NHEJ1: variants seen among roughly 807,000 people sequenced by gnomAD.
NHEJ1 encodes the protein non-homologous end joining factor 1, also known as non-homologous end-joining factor 1.
Under a neutral mutation model 39.4 loss-of-function variants are expected in NHEJ1, and 22 were observed. The ratio of observed to expected loss-of-function variants is 0.56; its 90% CI spans 0.40 to 0.80. NHEJ1 has a LOEUF of 0.80. Ranked by LOEUF, NHEJ1 falls within the 30% of genes least tolerant of loss-of-function variation. The pLI, the probability that NHEJ1 is intolerant of heterozygous loss-of-function variation, is 0.00. For synonymous variants in NHEJ1, 154 were observed against 135.6 expected (o/e 1.14, Z -0.94); for missense variants, 329 against 357.1 (o/e 0.92, Z 0.63).
intron 5 of NHEJ1, among the ~76,000 whole-genome samples, chr2:219,144,544 G>C (rs6744858): frequency 6.6e-6 from 1 of 152,082 alleles, no homozygotes; most frequent in Admixed American, 6.6e-5. Context: ...ATAGAAGTTT[G>C]CAAGTTAGAT....
intron 3 of NHEJ1, among the ~76,000 whole-genome samples, chr2:219,155,791 GGT>G (rs1949848455): frequency 6.6e-6 from 1 of 151,438 alleles, no homozygotes. Flanking sequence ...CGGGCGTGGT[GGT>G]GTGCGCCTGT....
rs1387379031 is a variant in NHEJ1, at chr2:219,074,532, T to G, written c.*1849A>C. Among the ~76,000 whole-genome samples, 1 of 151,906 alleles carries G rather than the reference T, an allele frequency of 6.6e-6. No individual in the cohort carries two copies. The highest frequency in any genetic ancestry group is 1.9e-4 in the East Asian group (1 of 5,180). ...GCCGAGGCAGGTAGATCACCTGAGG[T>G]CAGGAGTTCGAGACCAGCCTAGCCA... On this transcript the variant is annotated 3_prime_UTR_variant, in exon 8 of 8. Transcript: ENST00000356853.
At chr2:219,147,593 T>C in intron 4 of NHEJ1, 64 bp downstream of exon 4, 2 of 1,608,164 alleles carry the variant, frequency 1.2e-6, no homozygotes, top group Non-Finnish European at 1.7e-6. Context: ...GTCTCCCTCT[T>C]TGCTAAGACC....
intron 1 of NHEJ1, among the ~76,000 whole-genome samples, chr2:219,159,514 T>TATATATATATGCATATATATATGC (rs66875405): frequency 6.8e-5 from 3 of 43,948 alleles, no homozygotes; most frequent in African/African-American, 1.2e-4. Flanking sequence ...GACATAACTT[T>TATATATATATGCATATATATATGC]ATATATATAT....
chr2:219,079,816 G>A (rs1559185628), intron 5 of NHEJ1, among the ~76,000 whole-genome samples: 1 of 152,178 alleles, frequency 6.6e-6, no homozygotes, highest in Non-Finnish European at 1.5e-5. Context: ...CCCTGATGGT[G>A]GGGAGGCAAA....
At chr2:219,149,040 T>C (rs774303225) in intron 3 of NHEJ1, among the ~76,000 whole-genome samples, 25 of 152,094 alleles carry the variant, frequency 1.6e-4, no homozygotes, top group Middle Eastern at 3.4e-3. Flanking sequence ...TGCACCACGA[T>C]GCCCGGCTAA....
At chr2:219,134,914 C>T (rs1949611064) in intron 5 of NHEJ1, among the ~76,000 whole-genome samples, 1 of 151,768 alleles carries the variant, frequency 6.6e-6, no homozygotes, top group Non-Finnish European at 1.5e-5. Context: ...GTGGTGGGCT[C>T]CTGTAATCCC....
chr2:219,070,048 G>A lies in NHEJ1; in HGVS notation c.*6333C>T, dbSNP rs776991161. Among the ~76,000 whole-genome samples, 4 of 152,188 alleles carry A rather than the reference G, an allele frequency of 2.6e-5. No homozygotes were observed. The highest frequency in any genetic ancestry group is 5.9e-5 in the Non-Finnish European group (4 of 68,036). ...TATATACTTATTGACTGCACTGAGT[G>A]CTTATTCACTATCACCACCAACAGG... is the stretch of plus-strand genomic sequence containing the variant. On this transcript the variant is annotated 3_prime_UTR_variant, in exon 8 of 8. Coordinates refer to ENST00000356853, the MANE Select transcript of NHEJ1 (RefSeq NM_024782.3).
chr2:219,139,485 A>G (rs1000776153), intron 5 of NHEJ1, among the ~76,000 whole-genome samples: 1 of 152,188 alleles, frequency 6.6e-6, no homozygotes, highest in African/African-American at 2.4e-5. Flanking sequence ...ACCTCCTGCC[A>G]ACAGCCACAT....
At chr2:219,104,355 G>A (rs983205703) in intron 5 of NHEJ1, among the ~76,000 whole-genome samples, 5 of 152,200 alleles carry the variant, frequency 3.3e-5, no homozygotes, top group African/African-American at 2.4e-5. Flanking sequence ...CAAATGTCTA[G>A]CTAGAGAGCT....
intron 5 of NHEJ1, among the ~76,000 whole-genome samples, chr2:219,126,972 A>G (rs1949531448): frequency 6.6e-6 from 1 of 151,604 alleles, no homozygotes; most frequent in African/African-American, 2.4e-5. Context: ...GAGAGTATGG[A>G]TGGGGTTGGG....
chr2:219,123,133 C>T (rs912637310), intron 5 of NHEJ1, among the ~76,000 whole-genome samples: 1 of 152,200 alleles, frequency 6.6e-6, no homozygotes, highest in Non-Finnish European at 1.5e-5. Flanking sequence ...TAGGGATACA[C>T]TGACCTAGTT....
intron 4 of NHEJ1, among the ~76,000 whole-genome samples, 189 bp downstream of exon 4, chr2:219,147,468 C>T (rs548663341): frequency 7.9e-5 from 12 of 152,318 alleles, no homozygotes; most frequent in South Asian, 2.1e-4. Flanking sequence ...GCTGACAGAG[C>T]GAGACTCCGT....
In NHEJ1 at chr2:219,076,382, T is replaced by G; in HGVS notation, c.899A>C (p.Ter300SerextTer32). The G allele has an allele frequency of 6.2e-6, 10 of 1,614,048 alleles. No homozygotes were observed. Among genetic ancestry groups the G allele is most frequent in the Non-Finnish European group, 8.5e-6 (10 of 1,180,002 alleles). The change falls in exon 8 of 8, where the codon TAA becomes TCA. Residue 300 changes from the stop codon to serine (S), a stop_lost. Transcript: ENST00000356853. ...KRKKPRGLFS* is the reference protein window; with the variant it reads ...KRKKPRGLFSS Reference sequence around the variant, plus strand: ...CTCAGCAGCTGAGGCCACAACAGATTAACTGAAGAGACCCCTTGGCTTCTT... The same window carrying G: ...CTCAGCAGCTGAGGCCACAACAGATGAACTGAAGAGACCCCTTGGCTTCTT...
In NHEJ1 at chr2:219,071,948, A is replaced by G. The variant is rs1948961002; in HGVS notation, c.*4433T>C. Among the ~76,000 whole-genome samples the G allele has an allele frequency of 6.6e-6, 1 of 152,212 alleles. No homozygotes were observed. Among genetic ancestry groups the G allele is most frequent in the African/African-American group, 2.4e-5 (1 of 41,454 alleles). On this transcript the variant is annotated 3_prime_UTR_variant, in exon 8 of 8. Coordinates refer to ENST00000356853, the MANE Select transcript of NHEJ1 (RefSeq NM_024782.3). ...TAGAATACTTGGGTGCTACCTAATG[A>G]CTTCCTATGTGCTAGGATAGAGAAC...
rs143557047 is a variant in NHEJ1 at position 219,137,595 on chromosome 2, A to AAAAAAAAAAC, written c.588+9084_588+9085insGTTTTTTTTT. Among the ~76,000 whole-genome samples, 28 of 82,758 alleles carry AAAAAAAAAAC rather than the reference A, an allele frequency of 3.4e-4. 1 individual carries two copies. Among genetic ancestry groups the AAAAAAAAAAC allele is most frequent in the South Asian group, 9.3e-4 (2 of 2,148 alleles). 54.3% of individuals were successfully genotyped at this position (82,758 alleles called of 152,430 possible). The stretch of plus-strand genomic sequence containing the variant: ...CAAAAAAAAAAAAAAAAAAAAAACA[A>AAAAAAAAAAC]AAAAAACTGAAAACCACCTTCAGAA... On this transcript the variant is annotated intron_variant, in intron 5 of 7. Coordinates refer to ENST00000356853, the MANE Select transcript of NHEJ1 (RefSeq NM_024782.3).
intron 5 of NHEJ1, among the ~76,000 whole-genome samples, chr2:219,103,206 T>A (rs1949282069): frequency 6.6e-6 from 1 of 151,630 alleles, no homozygotes; most frequent in African/African-American, 2.4e-5. Flanking sequence ...GTTTTCAGAT[T>A]AGGTTATATG....
chr2:219,096,267 G>C (rs1450485552), intron 5 of NHEJ1, among the ~76,000 whole-genome samples: 1 of 152,142 alleles, frequency 6.6e-6, no homozygotes, highest in Non-Finnish European at 1.5e-5. Flanking sequence ...CAATGACCTG[G>C]GAAAGATTCT....
At chr2:219,121,431 A>G (rs1404849349) in intron 5 of NHEJ1, among the ~76,000 whole-genome samples, 1 of 152,244 alleles carries the variant, frequency 6.6e-6, no homozygotes, top group East Asian at 1.9e-4. Flanking sequence ...TCTGAATTAA[A>G]TAATTCCATT....
Sources: allele counts gnomAD v4.1 joint callset (sites outside exome capture counted in the v4.1 genomes callset), GRCh38; gene constraint gnomAD v4.1.1; transcripts MANE v1.5; gene names NCBI Gene and HGNC (gene_info 2026-07-23, HGNC 2026-07-21).